TLN2: variants seen among roughly 807,000 people sequenced by gnomAD.
TLN2 encodes the protein talin-2.
In TLN2, 118 loss-of-function variants were observed where a neutral mutation model predicts 294.7. That is an observed-to-expected ratio of 0.40 (90% CI 0.34 to 0.47). The LOEUF is 0.47. Among genes scored for constraint, TLN2 ranks in the 20% least tolerant of loss-of-function variants. The pLI, the probability that TLN2 is intolerant of heterozygous loss-of-function variation, is 0.84. For missense variants in TLN2, 3,083 were observed against 3,282.2 expected (o/e 0.94, Z 1.48); for synonymous variants, 1,431 against 1,304.5 (o/e 1.10, Z -2.09).
intron 1 of TLN2, among the ~76,000 whole-genome samples, chr15:62,581,999 G>T (rs1419239003): frequency 1.3e-5 from 2 of 151,290 alleles, no homozygotes; most frequent in East Asian, 3.9e-4. Context: ...AGCCAAGATT[G>T]TGCCGCTGCA....
intron 1 of TLN2, among the ~76,000 whole-genome samples, chr15:62,475,118 A>G (rs1245544322): frequency 2.0e-5 from 3 of 152,340 alleles, no homozygotes; most frequent in African/African-American, 7.2e-5. Context: ...ACGATTTGTC[A>G]TTGCTGAAGC....
At chr15:62,720,984 G>A (rs905020661) in intron 25 of TLN2, among the ~76,000 whole-genome samples, 4 of 152,130 alleles carry the variant, frequency 2.6e-5, no homozygotes, top group African/African-American at 4.8e-5. Context: ...ATTTGGGAGG[G>A]GAGAGAGCCT....
At chr15:62,544,126 G>A (rs1206639146) in intron 1 of TLN2, among the ~76,000 whole-genome samples, 26 of 152,152 alleles carry the variant, frequency 1.7e-4, no homozygotes, top group Admixed American at 1.6e-3. Flanking sequence ...TTAGAGTGGC[G>A]AATCTCCATT....
At chr15:62,431,582 G>T (rs1418318690) in intron 1 of TLN2, among the ~76,000 whole-genome samples, 2 of 152,162 alleles carry the variant, frequency 1.3e-5, no homozygotes, top group Non-Finnish European at 2.9e-5. Flanking sequence ...CTGAGACTCT[G>T]GAATTTTGAA....
In TLN2 at chr15:62,841,018, C is replaced by G. The variant is rs1393837302; in HGVS notation, c.*408C>G. 6.4e-6 allele frequency: 1 copy of G among 155,388 alleles called. No homozygotes were observed. The highest frequency in any genetic ancestry group is 1.4e-5 in the Non-Finnish European group (1 of 70,030). The allele number at this position is 155,388 out of a possible 1,614,324, so 9.6% of individuals were successfully genotyped here. On this transcript the variant is annotated 3_prime_UTR_variant, in exon 59 of 59. Coordinates refer to ENST00000636159, the MANE Select transcript of TLN2 (RefSeq NM_015059.3). ...AAAATCATTGACGTCATAGAATATT[C>G]TTCTTCCTCTCAGGAGAAGACGGAA...
At chr15:62,698,920 G>A in intron 16 of TLN2, 53 bp downstream of exon 16, 1 of 1,523,358 alleles carries the variant, frequency 6.6e-7, no homozygotes, top group Non-Finnish European at 9.0e-7. Flanking sequence ...GCAGAAAGCA[G>A]GGTTATATAC....
chr15:62,755,436 A>G (rs1387315522), intron 36 of TLN2, 96 bp from the exon 37 acceptor site: 2 of 1,434,830 alleles, frequency 1.4e-6, no homozygotes, highest in Non-Finnish European at 1.9e-6. Context: ...CAGGCTCTGA[A>G]CATGTGAGTT....
intron 1 of TLN2, among the ~76,000 whole-genome samples, chr15:62,517,089 C>G (rs1567049764): frequency 6.6e-6 from 1 of 152,212 alleles, no homozygotes; most frequent in Non-Finnish European, 1.5e-5. Flanking sequence ...AATAATATTT[C>G]AGTGGCTGGT....
chr15:62,675,796 A>G (rs1258826008), intron 11 of TLN2, among the ~76,000 whole-genome samples: 1 of 152,102 alleles, frequency 6.6e-6, no homozygotes, highest in Non-Finnish European at 1.5e-5. Flanking sequence ...CTGTTTTCCT[A>G]CTAGAGGAAA....
chr15:62,683,611 C>A (rs752688726), intron 11 of TLN2, among the ~76,000 whole-genome samples: 23 of 152,134 alleles, frequency 1.5e-4, no homozygotes, highest in Non-Finnish European at 1.8e-4. Context: ...CTGAGTTACA[C>A]AAGCTGTAGA....
At chr15:62,679,690 G>T (rs1011822343) in intron 11 of TLN2, among the ~76,000 whole-genome samples, 12 of 152,156 alleles carry the variant, frequency 7.9e-5, no homozygotes, top group African/African-American at 2.2e-4. Flanking sequence ...ACTGACTGTG[G>T]TTTTAAAAAT....
rs746030113 is a variant in TLN2, at chr15:62,479,271, A to G, written c.-238+88586A>G. On this transcript the variant is annotated intron_variant, in intron 1 of 58. Coordinates refer to ENST00000636159, the MANE Select transcript of TLN2 (RefSeq NM_015059.3). The stretch of plus-strand genomic sequence containing the variant: ...TAGGCATCAAGGACTGGTACCCTCT[A>G]TTCTCTGGGCTTATTTCCTCAACAG... Among the ~76,000 whole-genome samples the G allele has an allele frequency of 2.7e-4, 41 of 152,104 alleles. 1 individual carries two copies. The highest frequency in any genetic ancestry group is 9.4e-4 in the African/African-American group (39 of 41,488).
chr15:62,590,302 C>G (rs536286946), intron 2 of TLN2, among the ~76,000 whole-genome samples: 1 of 152,180 alleles, frequency 6.6e-6, no homozygotes, highest in African/African-American at 2.4e-5. Context: ...GATCCTCTCC[C>G]TCTTCCCAAC....
intron 1 of TLN2, among the ~76,000 whole-genome samples, chr15:62,560,257 T>C (rs1372046134): frequency 2.0e-5 from 3 of 152,236 alleles, no homozygotes; most frequent in African/African-American, 7.2e-5. Flanking sequence ...GTTTGTTTTT[T>C]TGAGACAGAG....
At chr15:62,431,966 A>G (rs965493663) in intron 1 of TLN2, among the ~76,000 whole-genome samples, 3 of 152,110 alleles carry the variant, frequency 2.0e-5, no homozygotes, top group East Asian at 3.9e-4. Flanking sequence ...CTCTGGGTTA[A>G]TGGGACTTCT....
At chr15:62,541,600 G>A (rs754890990) in intron 1 of TLN2, among the ~76,000 whole-genome samples, 21 of 152,154 alleles carry the variant, frequency 1.4e-4, no homozygotes, top group Non-Finnish European at 5.9e-5. Flanking sequence ...TCAGGGGTGT[G>A]TGTGTGTGTG....
rs142370318 is a variant in TLN2, at chr15:62,634,472, A to G, written c.-36-12803A>G. On this transcript the variant is annotated intron_variant, in intron 3 of 58. Coordinates refer to ENST00000636159, the MANE Select transcript of TLN2 (RefSeq NM_015059.3). Reference sequence around the variant, plus strand: ...ACAAACGTGACAGTATCTTAAAACAATCCTTTAAAACACTGTCCTCAACTG... The same window carrying G: ...ACAAACGTGACAGTATCTTAAAACAGTCCTTTAAAACACTGTCCTCAACTG... 2.6e-3 allele frequency among the ~76,000 whole-genome samples: 401 copies of G among 152,354 alleles called. 1 individual carries two copies. The highest frequency in any genetic ancestry group is 5.8e-3 in the Admixed American group (89 of 15,306).
chr15:62,665,098 G>T (rs748951702), intron 9 of TLN2, among the ~76,000 whole-genome samples: 1 of 151,948 alleles, frequency 6.6e-6, no homozygotes, highest in Non-Finnish European at 1.5e-5. Flanking sequence ...GTTGAGACAA[G>T]GTGTCACTCT....
intron 1 of TLN2, among the ~76,000 whole-genome samples, chr15:62,397,741 A>G (rs1260415844): frequency 6.6e-6 from 1 of 152,112 alleles, no homozygotes; most frequent in Non-Finnish European, 1.5e-5. Context: ...TAAACCCCAG[A>G]TTATTGGGCC....
Sources: allele counts gnomAD v4.1 joint callset (sites outside exome capture counted in the v4.1 genomes callset), GRCh38; gene constraint gnomAD v4.1.1; transcripts MANE v1.5; gene names NCBI Gene and HGNC (gene_info 2026-07-23, HGNC 2026-07-21).